LRRTM3: variants seen among roughly 807,000 people sequenced by gnomAD.
LRRTM3 encodes leucine rich repeat transmembrane neuronal 3, also known as leucine-rich repeat transmembrane neuronal protein 3.
LRRTM3 carries 24 observed loss-of-function variants against 44.7 expected under a neutral mutation model. The observed-to-expected ratio is 0.54, with a 90% CI of 0.39 to 0.76. LRRTM3 has a LOEUF of 0.76. Ranked by LOEUF, LRRTM3 falls within the 30% of genes least tolerant of loss-of-function variation. The probability of loss-of-function intolerance (pLI) is 0.00; values close to 1 mark genes in which losing one functional copy is unlikely to be tolerated. For missense variants in LRRTM3, 587 were observed against 702.2 expected (o/e 0.84, Z 1.85); for synonymous variants, 277 against 278.7 (o/e 0.99, Z 0.06).
At chr10:67,051,810 A>G (rs1293933929) in intron 2 of LRRTM3, among the ~76,000 whole-genome samples, 1 of 151,142 alleles carries the variant, frequency 6.6e-6, no homozygotes, top group African/African-American at 2.4e-5. Flanking sequence ...GCTGGAGTGC[A>G]GTGGCACCAT....
chr10:67,024,639 G>C (rs1410105484), intron 2 of LRRTM3, among the ~76,000 whole-genome samples: 2 of 152,010 alleles, frequency 1.3e-5, no homozygotes, highest in African/African-American at 4.8e-5. Context: ...TATGCAAATG[G>C]GTGTAACCAG....
At chr10:66,959,626 T>G (rs1849010196) in intron 2 of LRRTM3, among the ~76,000 whole-genome samples, 1 of 152,162 alleles carries the variant, frequency 6.6e-6, no homozygotes, top group Non-Finnish European at 1.5e-5. Context: ...TACTTTCAGG[T>G]CTAACATTCC....
chr10:67,072,658 C>T (rs2619652), intron 2 of LRRTM3, among the ~76,000 whole-genome samples: 52,600 of 151,946 alleles, frequency 0.35, 9,624 homozygotes, highest in Middle Eastern at 0.55. Flanking sequence ...CCATGACACT[C>T]CCTGGATTTT....
chr10:67,005,242 T>A (rs1851900669), intron 2 of LRRTM3, among the ~76,000 whole-genome samples: 1 of 152,150 alleles, frequency 6.6e-6, no homozygotes, highest in African/African-American at 2.4e-5. Context: ...TAGAAAATGA[T>A]GACCTTTAAT....
chr10:67,089,758 G>GA (rs1328165943), intron 2 of LRRTM3, among the ~76,000 whole-genome samples: 1 of 117,362 alleles, frequency 8.5e-6, no homozygotes, highest in African/African-American at 3.0e-5. Flanking sequence ...TGTGTGGACA[G>GA]AAACACATAT....
rs1300166562 is a variant in LRRTM3, at chr10:66,979,220, G to A, written c.1536+50768G>A. ...TGACCTCTAGCGATCTGCCTGCCTC[G>A]GCCTCCCAAAGTGCTGGGATTACAG... On this transcript the variant is annotated intron_variant, in intron 2 of 2. Coordinates refer to ENST00000361320, the MANE Select transcript of LRRTM3 (RefSeq NM_178011.5). Among the ~76,000 whole-genome samples the A allele has an allele frequency of 4.0e-5, 6 of 151,656 alleles. No homozygotes were observed. The East Asian group carries it at 7.7e-4, about 20-fold the overall frequency.
At chr10:67,097,016 C>T (rs992760643) in intron 2 of LRRTM3, among the ~76,000 whole-genome samples, 2 of 151,772 alleles carry the variant, frequency 1.3e-5, no homozygotes, top group Admixed American at 6.6e-5. Flanking sequence ...CAATGGTTAT[C>T]GAAGTGTGGT....
intron 2 of LRRTM3, among the ~76,000 whole-genome samples, chr10:67,017,306 G>A (rs527410262): frequency 2.6e-5 from 4 of 152,306 alleles, no homozygotes; most frequent in South Asian, 2.1e-4. Flanking sequence ...CAAGAACACA[G>A]TGAGGTTAGG....
chr10:67,064,649 AT>A (rs1371608563), intron 2 of LRRTM3, among the ~76,000 whole-genome samples: 1 of 152,094 alleles, frequency 6.6e-6, no homozygotes, highest in African/African-American at 2.4e-5. Flanking sequence ...AAGAAAAAAT[AT>A]TTTTTAAGGG....
Position 67,007,400 on chromosome 10 carries a change from CTT to C in LRRTM3, c.1536+78958_1536+78959del, listed in dbSNP as rs552186162. Among the ~76,000 whole-genome samples, 76 of 146,122 alleles carry C rather than the reference CTT, an allele frequency of 5.2e-4. 1 individual carries two copies. Among genetic ancestry groups the C allele is most frequent in the Middle Eastern group, 7.1e-3 (2 of 280 alleles). On this transcript the variant is annotated intron_variant, in intron 2 of 2. Coordinates refer to ENST00000361320, the MANE Select transcript of LRRTM3 (RefSeq NM_178011.5). ...CAACTTTTTATTGGCTTCAATCTGA[CTT>C]TTTTTTTTTAACATAAAATAGCCCT... is the stretch of plus-strand genomic sequence containing the variant.
At chr10:67,015,683 G>A (rs756242704) in intron 2 of LRRTM3, among the ~76,000 whole-genome samples, 2 of 152,102 alleles carry the variant, frequency 1.3e-5, no homozygotes, top group Non-Finnish European at 2.9e-5. Flanking sequence ...ACTTCAATTT[G>A]AAGATTCAAA....
intron 2 of LRRTM3, among the ~76,000 whole-genome samples, chr10:66,934,367 T>C (rs1412343376): frequency 2.0e-5 from 3 of 152,130 alleles, no homozygotes; most frequent in African/African-American, 7.2e-5. Flanking sequence ...GAGTCTGTAA[T>C]TCCTATATCA....
At chr10:66,940,559 C>T (rs1318189017) in intron 2 of LRRTM3, among the ~76,000 whole-genome samples, 1 of 152,146 alleles carries the variant, frequency 6.6e-6, no homozygotes, top group African/African-American at 2.4e-5. Context: ...TATAATTAAT[C>T]ATAGAAGCAA....
intron 2 of LRRTM3, among the ~76,000 whole-genome samples, chr10:67,040,592 A>T (rs1051889338): frequency 6.6e-6 from 1 of 152,170 alleles, no homozygotes; most frequent in East Asian, 1.9e-4. Context: ...TTTTTTCTAG[A>T]TGGATTAGAG....
chr10:67,082,257 T>G (rs1857093128), intron 2 of LRRTM3, among the ~76,000 whole-genome samples: 1 of 152,224 alleles, frequency 6.6e-6, no homozygotes, highest in Admixed American at 6.5e-5. Flanking sequence ...TTAGTTGGTT[T>G]TAACCGCTGC....
At chr10:67,019,365 T>A (rs1285930395) in intron 2 of LRRTM3, among the ~76,000 whole-genome samples, 1 of 152,110 alleles carries the variant, frequency 6.6e-6, no homozygotes, top group Non-Finnish European at 1.5e-5. Context: ...ATTACAGGCA[T>A]GTGCCACCAC....
intron 2 of LRRTM3, among the ~76,000 whole-genome samples, chr10:67,052,039 G>A (rs1855130418): frequency 6.6e-6 from 1 of 152,178 alleles, no homozygotes; most frequent in Admixed American, 6.5e-5. Flanking sequence ...ACAGGCGTGA[G>A]CCACCACGCC....
intron 2 of LRRTM3, among the ~76,000 whole-genome samples, chr10:66,983,997 G>A (rs1162136916): frequency 1.3e-5 from 2 of 152,054 alleles, no homozygotes; most frequent in African/African-American, 2.4e-5. Flanking sequence ...GATGATAATC[G>A]AGGCTTAGGT....
chr10:67,069,385 G>A (rs1856293625), intron 2 of LRRTM3, among the ~76,000 whole-genome samples: 2 of 152,056 alleles, frequency 1.3e-5, no homozygotes, highest in East Asian at 1.9e-4. Flanking sequence ...TCCAAGAATA[G>A]GAAGCTTATT....
Sources: gnomAD v4.1 joint callset for allele counts (sites outside exome capture counted in the v4.1 genomes callset) on GRCh38, gnomAD v4.1.1 for gene constraint, MANE v1.5 for transcripts, NCBI Gene and HGNC (gene_info 2026-07-23, HGNC 2026-07-21) for gene names.